RARB: variants seen among roughly 807,000 people sequenced by gnomAD.
RARB encodes the protein retinoic acid receptor beta.
RARB carries 17 observed loss-of-function variants against 51.9 expected under a neutral mutation model. That is an observed-to-expected ratio of 0.33 (90% CI 0.22 to 0.49). The LOEUF (loss-of-function observed/expected upper bound fraction) is 0.49, where lower values mean the gene tolerates loss of function less well. Among genes scored for constraint, RARB ranks in the 20% least tolerant of loss-of-function variants. RARB has a pLI of 0.99. For synonymous variants in RARB, 215 were observed against 195.4 expected (o/e 1.10, Z -0.84); for missense variants, 369 against 550.8 (o/e 0.67, Z 3.30).
intron 3 of RARB, among the ~76,000 whole-genome samples, chr3:25,111,582 G>GT (rs1236764385): frequency 3.5e-5 from 3 of 86,630 alleles, no homozygotes; most frequent in Admixed American, 1.6e-4. Context: ...TTCTAACAGT[G>GT]GTTTTTTTTT....
At chr3:25,585,891 C>T (rs1037053399) in intron 5 of RARB, among the ~76,000 whole-genome samples, 2 of 152,190 alleles carry the variant, frequency 1.3e-5, no homozygotes, top group Non-Finnish European at 2.9e-5. Flanking sequence ...GGCAAGCTGC[C>T]TTCAGAGCCC....
intron 4 of RARB, among the ~76,000 whole-genome samples, chr3:25,152,907 C>T (rs958896539): frequency 6.6e-6 from 1 of 152,096 alleles, no homozygotes; most frequent in African/African-American, 2.4e-5. Flanking sequence ...AAATCTAAAA[C>T]TTCGGAAAAT....
At position 24,929,983 on chromosome 3, in the gene RARB, A is replaced by T. The variant is rs551497569; in HGVS notation, c.-380+71231A>T. On this transcript the variant is annotated intron_variant, in intron 2 of 11. Coordinates refer to the RARB transcript ENST00000383772. ...TCTGATTGTAATTGATTTGGTACAG[A>T]GTATGATAGCTCAGTAAGTTATAAG... is the stretch of plus-strand genomic sequence containing the variant. Among the ~76,000 whole-genome samples, 4 of 152,216 alleles carry T rather than the reference A, an allele frequency of 2.6e-5. No individual in the cohort carries two copies. The South Asian group carries it at 8.3e-4, about 32-fold the overall frequency.
At chr3:25,494,319 G>A (rs1696914046) in intron 2 of RARB, among the ~76,000 whole-genome samples, 1 of 133,408 alleles carries the variant, frequency 7.5e-6, no homozygotes, top group East Asian at 2.3e-4. Flanking sequence ...ACCACTGGCT[G>A]TTCCCTGCAC....
intron 5 of RARB, among the ~76,000 whole-genome samples, chr3:25,585,333 G>A (rs1049670271): frequency 2.6e-5 from 4 of 152,188 alleles, no homozygotes; most frequent in African/African-American, 7.2e-5. Context: ...GGCCCAAGGG[G>A]AAGGCAAAGA....
intron 4 of RARB, among the ~76,000 whole-genome samples, chr3:25,143,607 T>A (rs889009642): frequency 1.3e-5 from 2 of 152,198 alleles, no homozygotes; most frequent in Admixed American, 6.5e-5. Context: ...GGTGCCCTGG[T>A]AGCCTCTGTA....
At chr3:25,398,247 C>T (rs528173820) in intron 5 of RARB, among the ~76,000 whole-genome samples, 20 of 152,092 alleles carry the variant, frequency 1.3e-4, no homozygotes, top group Non-Finnish European at 2.5e-4. Context: ...GAACTCTAGG[C>T]CACGGTTTCA....
At chr3:25,236,913 G>A (rs552263938) in intron 5 of RARB, among the ~76,000 whole-genome samples, 36 of 128,914 alleles carry the variant, frequency 2.8e-4, no homozygotes, top group Admixed American at 4.5e-4. Flanking sequence ...TTTAAACCCC[G>A]GAAATTCAGA....
intron 4 of RARB, among the ~76,000 whole-genome samples, chr3:25,156,516 CAAAAAAAAAAAAAAAAA>C (rs35710364): frequency 3.0e-4 from 17 of 56,834 alleles, no homozygotes; most frequent in East Asian, 9.4e-4. Context: ...GCCCCAACTG[CAAAAAAAAAAAAAAAAA>C]AAAAAAAAAA....
intron 2 of RARB, among the ~76,000 whole-genome samples, chr3:24,875,134 G>C (rs925391615): frequency 2.0e-5 from 3 of 151,970 alleles, no homozygotes; most frequent in Non-Finnish European, 2.9e-5. Flanking sequence ...TTTAAAAAAA[G>C]ATTTACATAC....
chr3:25,194,133 G>A lies in RARB; in HGVS notation c.178+19558G>A, dbSNP rs140227969. On this transcript the variant is annotated intron_variant, in intron 5 of 11. Coordinates refer to the RARB transcript ENST00000383772. The stretch of plus-strand genomic sequence containing the variant: ...TACAGATAAATCTGGAGAACATTAT[G>A]CTAAGTGAAATAAGCCAGACATAGA... 2.7e-3 allele frequency among the ~76,000 whole-genome samples: 414 copies of A among 151,830 alleles called. 1 individual carries two copies. The highest frequency in any genetic ancestry group is 6.8e-3 in the Middle Eastern group (2 of 294).
chr3:25,275,225 G>A (rs1252401437), intron 5 of RARB, among the ~76,000 whole-genome samples: 2 of 152,164 alleles, frequency 1.3e-5, no homozygotes, highest in East Asian at 3.9e-4. Context: ...ACTTTGGGAG[G>A]TCAAGGCAGA....
chr3:25,120,377 C>G (rs1426948784), intron 3 of RARB, among the ~76,000 whole-genome samples: 1 of 152,026 alleles, frequency 6.6e-6, no homozygotes, highest in Non-Finnish European at 1.5e-5. Context: ...TAGAGTAAAG[C>G]CATGTCCTCC....
rs191887795 is a variant in RARB, at chr3:25,215,739, G to A, written c.178+41164G>A. 5.6e-3 allele frequency among the ~76,000 whole-genome samples: 860 copies of A among 152,266 alleles called. 3 individuals are homozygous for A. The highest frequency in any genetic ancestry group is 0.017 in the Middle Eastern group (5 of 294). On this transcript the variant is annotated intron_variant, in intron 5 of 11. Transcript: ENST00000383772. The stretch of plus-strand genomic sequence containing the variant: ...CTTCTGTCTATGGAAAGGAAACTCG[G>A]AATGAAGGGAGTCATTCAAAAGTGG...
chr3:25,109,966 C>T (rs570487142), intron 3 of RARB, among the ~76,000 whole-genome samples: 13 of 152,306 alleles, frequency 8.5e-5, no homozygotes, highest in African/African-American at 2.2e-4. Context: ...CGCTTATGAG[C>T]GAGAGCTACT....
Position 25,281,687 on chromosome 3 carries a change from C to T in RARB, c.178+107112C>T, listed in dbSNP as rs188713692. Among the ~76,000 whole-genome samples the T allele has an allele frequency of 7.6e-4, 114 of 149,230 alleles. 1 individual carries two copies. The East Asian group carries it at 0.021, about 27-fold the overall frequency. On this transcript the variant is annotated intron_variant, in intron 5 of 11. Coordinates refer to the RARB transcript ENST00000383772. ...TTGCCAGGGTTTCTAGTAGCCTAAG[C>T]GTCATGCCAGCTCTGTTGAGGAGGA...
intron 1 of RARB, among the ~76,000 whole-genome samples, chr3:25,450,872 G>A (rs1709162770): frequency 6.6e-6 from 1 of 152,158 alleles, no homozygotes; most frequent in South Asian, 2.1e-4. Context: ...ATCACCTGAG[G>A]TCAGGAGTTC....
At chr3:24,966,237 A>G (rs1696251660) in intron 2 of RARB, among the ~76,000 whole-genome samples, 1 of 151,898 alleles carries the variant, frequency 6.6e-6, no homozygotes, top group African/African-American at 2.4e-5. Context: ...GGGAAACTAG[A>G]AGGAGGGGGA....
chr3:25,422,855 T>G (rs1707897959), intron 5 of RARB, among the ~76,000 whole-genome samples: 1 of 152,116 alleles, frequency 6.6e-6, no homozygotes, highest in South Asian at 2.1e-4. Context: ...GACAAGGCAA[T>G]GTAGAATTCT....
Sources: allele counts gnomAD v4.1 joint callset (sites outside exome capture counted in the v4.1 genomes callset), GRCh38; gene constraint gnomAD v4.1.1; transcripts MANE v1.5; gene names NCBI Gene and HGNC (gene_info 2026-07-23, HGNC 2026-07-21).